Variants in ETV6 observed in about 807,000 individuals in gnomAD.
ETV6 encodes ETS variant transcription factor 6, also known as transcription factor ETV6.
In ETV6, 16 loss-of-function variants were observed where a neutral mutation model predicts 51.1. That is an observed-to-expected ratio of 0.31 (90% CI 0.21 to 0.48). ETV6 has a LOEUF of 0.48. Ranked by LOEUF, ETV6 falls within the 20% of genes least tolerant of loss-of-function variation. ETV6 has a pLI of 0.99. For missense variants in ETV6, 458 were observed against 594.8 expected (o/e 0.77, Z 2.39); for synonymous variants, 240 against 224.1 (o/e 1.07, Z -0.64).
chr12:11,767,587 A>T (rs144220774), intron 2 of ETV6, among the ~76,000 whole-genome samples: 1 of 152,366 alleles, frequency 6.6e-6, no homozygotes, highest in East Asian at 1.9e-4. Flanking sequence ...GTTGCCTGTG[A>T]CTTGGTATGA....
chr12:11,676,673 T>C (rs917304392), intron 1 of ETV6, among the ~76,000 whole-genome samples: 1 of 152,198 alleles, frequency 6.6e-6, no homozygotes, highest in Non-Finnish European at 1.5e-5. Flanking sequence ...CCTCATGACA[T>C]CCGTTTTGAA....
intron 1 of ETV6, among the ~76,000 whole-genome samples, chr12:11,706,392 C>G (rs1275215851): frequency 6.6e-6 from 1 of 152,202 alleles, no homozygotes; most frequent in Non-Finnish European, 1.5e-5. Context: ...GCTGGAAGAG[C>G]CCAGCACTAT....
intron 1 of ETV6, among the ~76,000 whole-genome samples, chr12:11,743,453 T>G (rs1865847850): frequency 6.6e-6 from 1 of 152,148 alleles, no homozygotes; most frequent in Non-Finnish European, 1.5e-5. Context: ...GCCTTCTTCC[T>G]TACAGATGGG....
chr12:11,679,145 T>C (rs1373163214), intron 1 of ETV6, among the ~76,000 whole-genome samples: 1 of 152,202 alleles, frequency 6.6e-6, no homozygotes, highest in Non-Finnish European at 1.5e-5. Context: ...TGTGTTTGTG[T>C]AAATACAATT....
intron 1 of ETV6, among the ~76,000 whole-genome samples, chr12:11,749,288 TAC>T (rs761925697): frequency 0.066 from 8,067 of 122,388 alleles, 367 homozygotes; most frequent in Admixed American, 0.092. Context: ...ATCCCCCCCA[TAC>T]ACACACACAC....
In ETV6 at chr12:11,760,878, A is replaced by ATGTG. The variant is rs59373097; in HGVS notation, c.163+8327_163+8330dup. ...AATGATCACTACTATTATTATATAT[A>ATGTG]TGTGTGTGTGTGTGTGTGTGTGTGT... On this transcript the variant is annotated intron_variant, in intron 2 of 7. Transcript: ENST00000396373. Among the ~76,000 whole-genome samples, 1,028 of 148,510 alleles carry ATGTG rather than the reference A, an allele frequency of 6.9e-3. 3 individuals are homozygous for ATGTG. The highest frequency in any genetic ancestry group is 0.015 in the African/African-American group (597 of 39,998).
rs372756675 is a variant in ETV6, at chr12:11,695,616, T to C, written c.33+45456T>C. On this transcript the variant is annotated intron_variant, in intron 1 of 7. Transcript: ENST00000396373. ...CTGTCTTTTTCTCAACCGGGTTTCA[T>C]CTGTTAGTTCTGCAACATGCAGAGT... Among the ~76,000 whole-genome samples, 7 of 152,258 alleles carry C rather than the reference T, an allele frequency of 4.6e-5. No individual in the cohort carries two copies. In the East Asian group the frequency reaches 7.7e-4, roughly 17 times the overall value.
At chr12:11,888,705 CTTGT>C (rs1329451200) in intron 7 of ETV6, among the ~76,000 whole-genome samples, 4 of 151,996 alleles carry the variant, frequency 2.6e-5, no homozygotes, top group Non-Finnish European at 4.4e-5. Context: ...GCCTGGCCAA[CTTGT>C]TTGTTTTTCT....
chr12:11,869,388 C>T lies in ETV6; in HGVS notation c.464-36C>T, dbSNP rs769511387. On this transcript the variant is annotated intron_variant, in intron 4 of 7. Transcript: ENST00000396373. This position sits in a 1 kb window ranked among gnomAD's most constrained non-coding sequence, Gnocchi z 5.0. ...GGGAGTTTCCTGTCCTGCCAACTCACTGGGGTCTGTGATTGTCTTTCCCTC... is the reference window on the plus strand; with the variant it reads ...GGGAGTTTCCTGTCCTGCCAACTCATTGGGGTCTGTGATTGTCTTTCCCTC... 39 of 1,569,838 alleles carry T rather than the reference C, an allele frequency of 2.5e-5. No homozygotes were observed. The highest frequency in any genetic ancestry group is 3.1e-5 in the Non-Finnish European group (36 of 1,156,252).
intron 5 of ETV6, 96 bp from the exon 6 acceptor site, chr12:11,884,349 G>C: frequency 7.3e-7 from 1 of 1,372,414 alleles, no homozygotes. Flanking sequence ...ACCCAAGCTA[G>C]GCAGAAGCAG....
intron 1 of ETV6, among the ~76,000 whole-genome samples, chr12:11,679,620 T>A (rs1864488286): frequency 6.6e-6 from 1 of 152,256 alleles, no homozygotes; most frequent in Non-Finnish European, 1.5e-5. Context: ...AATACTTTTT[T>A]AAATGGAGCC....
In ETV6 at chr12:11,722,121, G is replaced by A. The variant is rs1457499243; in HGVS notation, c.34-30329G>A. On this transcript the variant is annotated intron_variant, in intron 1 of 7. Coordinates refer to ENST00000396373, the MANE Select transcript of ETV6 (RefSeq NM_001987.5). ...ACTGTATCTGATAATTAGGGGCTGG[G>A]AGAGCATGGAAAATTGAAGCCATAG... is the stretch of plus-strand genomic sequence containing the variant. Among the ~76,000 whole-genome samples, 3 of 152,232 alleles carry A rather than the reference G, an allele frequency of 2.0e-5. No individual in the cohort carries two copies. The East Asian group carries it at 5.8e-4, about 29-fold the overall frequency.
intron 1 of ETV6, among the ~76,000 whole-genome samples, chr12:11,656,687 TTGCTTCCTCCGG>T (rs1227296915): frequency 2.0e-5 from 3 of 152,162 alleles, no homozygotes; most frequent in Non-Finnish European, 2.9e-5. Context: ...TGTGTTTTTC[TTGCTTCCTCCGG>T]TGCTTAATGG....
At chr12:11,650,486 A>AAAAC (rs1356873973) in intron 1 of ETV6, among the ~76,000 whole-genome samples, 816 of 59,378 alleles carry the variant, frequency 0.014, 26 homozygotes, top group African/African-American at 0.046. Flanking sequence ...GCGCTTAAAA[A>AAAAC]AAAAAAAAAC....
chr12:11,832,663 C>G (rs1335629566), intron 2 of ETV6, among the ~76,000 whole-genome samples: 1 of 152,244 alleles, frequency 6.6e-6, no homozygotes, highest in East Asian at 1.9e-4. Flanking sequence ...TCCTCATCCT[C>G]TCTCCTCATC....
At chr12:11,841,864 C>T (rs1483068327) in intron 3 of ETV6, among the ~76,000 whole-genome samples, 1 of 151,956 alleles carries the variant, frequency 6.6e-6, no homozygotes, top group East Asian at 1.9e-4. Context: ...GGGCGGATCA[C>T]GAGGTCAGGA....
At position 11,679,491 on chromosome 12, in the gene ETV6, C is replaced by T. The variant is rs59546697; in HGVS notation, c.33+29331C>T. ...TCTTCTCACAGATTCTCTTTTCATC[C>T]GTTCCATAGGTTCTGCACACTGGTG... On this transcript the variant is annotated intron_variant, in intron 1 of 7. Coordinates refer to ENST00000396373, the MANE Select transcript of ETV6 (RefSeq NM_001987.5). Among the ~76,000 whole-genome samples, 555 of 152,316 alleles carry T rather than the reference C, an allele frequency of 3.6e-3. 3 individuals are homozygous for T. The highest frequency in any genetic ancestry group is 0.013 in the African/African-American group (520 of 41,560).
intron 2 of ETV6, among the ~76,000 whole-genome samples, chr12:11,780,675 G>A (rs1355344864): frequency 6.6e-6 from 1 of 152,166 alleles, no homozygotes; most frequent in East Asian, 1.9e-4. Flanking sequence ...CTGGGGAATT[G>A]GTCACTCCCT....
chr12:11,838,465 C>A (rs1946346054), intron 2 of ETV6, among the ~76,000 whole-genome samples: 1 of 152,208 alleles, frequency 6.6e-6, no homozygotes, highest in Non-Finnish European at 1.5e-5. Context: ...TCAAGTACCA[C>A]CCCACCAGGA....
Sources: gnomAD v4.1 joint callset for allele counts (sites outside exome capture counted in the v4.1 genomes callset) on GRCh38, gnomAD v4.1.1 for gene constraint, Gnocchi (gnomAD v3.1) non-coding constraint, MANE v1.5 for transcripts, NCBI Gene and HGNC (gene_info 2026-07-23, HGNC 2026-07-21) for gene names.